The following DEDD2 variants were observed in gnomAD, a reference collection of about 807,000 sequenced individuals.
DEDD2 encodes the protein death effector domain containing 2, also known as DNA-binding death effector domain-containing protein 2.
DEDD2 carries 18 observed loss-of-function variants against 28.9 expected under a neutral mutation model. The observed-to-expected ratio is 0.62, with a 90% CI of 0.43 to 0.92. The LOEUF (loss-of-function observed/expected upper bound fraction) is 0.92, where lower values mean the gene tolerates loss of function less well. DEDD2 is among the 40% of genes least tolerant of loss of function. The pLI is 0.00. For missense variants in DEDD2, 411 were observed against 463.3 expected, an observed-to-expected ratio of 0.89 and a Z score of 1.04; for synonymous variants, 211 against 206.1, an observed-to-expected ratio of 1.02 and a Z score of -0.20.
intron 2 of DEDD2, among the ~76,000 whole-genome samples, chr19:42,216,255 G>C (rs1291762074): frequency 6.6e-6 from 1 of 152,200 alleles, no homozygotes; most frequent in African/African-American, 2.4e-5. Flanking sequence ...CAAACACCTT[G>C]TCAGCTCCAT....
upstream of DEDD2, chr19:42,217,832 G>T (rs938888013): frequency 6.6e-6 from 1 of 152,242 alleles, no homozygotes; most frequent in African/African-American, 2.4e-5. Context: ...CGCTTGACCT[G>T]CCCCCAACCG....
At chr19:42,214,655 T>C (rs995137456) in intron 3 of DEDD2, among the ~76,000 whole-genome samples, 5 of 152,030 alleles carry the variant, frequency 3.3e-5, no homozygotes, top group Non-Finnish European at 7.4e-5. Flanking sequence ...TCTAGTTACT[T>C]GAGAGGCTGA....
In DEDD2 at chr19:42,216,894, G is replaced by C. The variant is rs745707120; in HGVS notation, c.114C>G (p.Thr38=). ...RMFEVVGGQL[T]ECELELLAFL... ...AGGCCAGGAGCTCCAGCTCGCACTC[G>C]GTCAGTTGCCCGCCCACCACCTCGA... The change falls in exon 2 of 5, where the codon ACC becomes ACG. Residue 38 remains threonine, a synonymous_variant. Coordinates refer to ENST00000596251, the MANE Select transcript of DEDD2 (RefSeq NM_133328.4). 32 of 1,598,814 alleles carry C rather than the reference G, an allele frequency of 2.0e-5. No individual in the cohort carries two copies. Among genetic ancestry groups the C allele is most frequent in the South Asian group, 1.7e-4 (15 of 88,790 alleles).
intron 4 of DEDD2, among the ~76,000 whole-genome samples, chr19:42,203,289 A>G (rs2035404656): frequency 6.6e-6 from 1 of 152,240 alleles, no homozygotes; most frequent in Non-Finnish European, 1.5e-5. Context: ...GTTATAGTTC[A>G]GATTGAAAGG....
chr19:42,210,640 C>T (rs993271018), intron 3 of DEDD2, among the ~76,000 whole-genome samples: 2 of 152,176 alleles, frequency 1.3e-5, no homozygotes, highest in African/African-American at 4.8e-5. Flanking sequence ...GTGATCCACC[C>T]GCCTCGGCCT....
chr19:42,205,542 G>A (rs187372741), intron 4 of DEDD2, among the ~76,000 whole-genome samples: 80 of 151,990 alleles, frequency 5.3e-4, no homozygotes, highest in Non-Finnish European at 8.4e-4. Flanking sequence ...CAGGAGAATC[G>A]CTTCAACCCG....
At chr19:42,210,925 C>A (rs939039429) in intron 3 of DEDD2, among the ~76,000 whole-genome samples, 7 of 151,626 alleles carry the variant, frequency 4.6e-5, no homozygotes, top group Admixed American at 2.6e-4. Context: ...CAAAAATCAG[C>A]TGGGCGTGGT....
chr19:42,214,508 A>C (rs949432789), intron 3 of DEDD2, among the ~76,000 whole-genome samples: 1 of 152,058 alleles, frequency 6.6e-6, no homozygotes, highest in Non-Finnish European at 1.5e-5. Context: ...CATGCCTGTA[A>C]TCCAGCACTT....
Position 42,199,537 on chromosome 19 carries a change from G to A in DEDD2, c.882C>T (p.Arg294=), listed in dbSNP as rs762353499. The change falls in exon 5 of 5, where the codon CGC becomes CGT. Residue 294 remains arginine (R), a synonymous_variant. Coordinates refer to ENST00000596251, the MANE Select transcript of DEDD2 (RefSeq NM_133328.4). The surrounding 1 kb of genome is among the most constrained non-coding windows in gnomAD (Gnocchi z 7.4). ...CAGCCTCATCCACACTGACCAGCAGGCGAACAGCCTCCCGGCCCACAGCCT... is the reference window on the plus strand; with the variant it reads ...CAGCCTCATCCACACTGACCAGCAGACGAACAGCCTCCCGGCCCACAGCCT... ...LREAVGREAV[R]LLVSVDEADY... 14 of 1,613,928 alleles carry A rather than the reference G, an allele frequency of 8.7e-6. 1 individual carries two copies. In the South Asian group the frequency reaches 1.4e-4, roughly 16 times the overall value.
chr19:42,208,654 C>T (rs763276184), intron 4 of DEDD2, among the ~76,000 whole-genome samples: 2 of 152,208 alleles, frequency 1.3e-5, no homozygotes, highest in African/African-American at 4.8e-5. Flanking sequence ...CAAGCTGCTC[C>T]GGCCCCAGCC....
intron 3 of DEDD2, among the ~76,000 whole-genome samples, chr19:42,211,543 TGAA>T (rs1172907870): frequency 6.6e-6 from 1 of 152,096 alleles, no homozygotes; most frequent in East Asian, 1.9e-4. Context: ...TCAAGTAACT[TGAA>T]GAACATTCTG....
intron 4 of DEDD2, among the ~76,000 whole-genome samples, chr19:42,208,020 C>T (rs1268572309): frequency 1.3e-5 from 2 of 152,178 alleles, no homozygotes; most frequent in Non-Finnish European, 2.9e-5. Context: ...CCCTGCACAC[C>T]CCAGAGCCCC....
upstream of DEDD2, among the ~76,000 whole-genome samples, chr19:42,218,356 T>A (rs1409295356): frequency 2.0e-5 from 3 of 151,622 alleles, no homozygotes; most frequent in Non-Finnish European, 4.4e-5. Context: ...TCCGACTGTG[T>A]ACATCTCGAT....
chr19:42,216,553 G>T (rs1029253753), intron 2 of DEDD2, 127 bp downstream of exon 2: 1 of 954,820 alleles, frequency 1.0e-6, no homozygotes, highest in Non-Finnish European at 1.5e-6. Flanking sequence ...ATTGTGGGAA[G>T]AGAGAGTAGC....
intron 2 of DEDD2, 75 bp downstream of exon 2, chr19:42,216,605 A>T: frequency 7.1e-7 from 1 of 1,415,560 alleles, no homozygotes; most frequent in Non-Finnish European, 9.3e-7. Context: ...TGTCCGTATC[A>T]GGGCACCAGG....
At position 42,215,150 on chromosome 19, in the gene DEDD2, T is replaced by C; in HGVS notation, c.431A>G (p.Gln144Arg). 3.1e-6 allele frequency: 5 copies of C among 1,614,104 alleles called. No homozygotes were observed. Among genetic ancestry groups the C allele is most frequent in the Non-Finnish European group, 4.2e-6 (5 of 1,180,014 alleles). ...RQSSSSANSQ[Q>R]GQWETGSPPT... The stretch of plus-strand genomic sequence containing the variant: ...GGGCTCACCTGTCTCCCACTGACCC[T>C]GCTGAGAATTTGCAGAACTGCTTGA... Residue 144 changes from glutamine to arginine, a missense_variant, in exon 3 of 5, where the codon CAG becomes CGG. Physicochemically the swap from Gln to Arg is conservative, Grantham distance 43 (BLOSUM62 1). This residue lies in a region of DEDD2 where 282 missense variants were observed against 273.4 expected (regional missense o/e 1.03). Coordinates refer to ENST00000596251, the MANE Select transcript of DEDD2 (RefSeq NM_133328.4).
intron 3 of DEDD2, among the ~76,000 whole-genome samples, chr19:42,210,616 A>C (rs1375697236): frequency 2.0e-5 from 3 of 151,046 alleles, no homozygotes; most frequent in Admixed American, 6.6e-5. Flanking sequence ...CTGGTCTCAA[A>C]CTCCTGACCT....
rs1389597112 is a variant in DEDD2, at chr19:42,211,416, GGAGA to G, written c.449-1580_449-1577del. On this transcript the variant is annotated intron_variant, in intron 3 of 4. Transcript: ENST00000596251. The stretch of plus-strand genomic sequence containing the variant: ...GGGAGAAGAAAAGGAAGGAAGGAAG[GGAGA>G]GAGGGACGGAGGGAGGGAGGGAGGG... Among the ~76,000 whole-genome samples the G allele has an allele frequency of 2.9e-5, 4 of 138,584 alleles. No homozygotes were observed. In the South Asian group the frequency reaches 1.1e-3, roughly 38 times the overall value. 90.9% of individuals were successfully genotyped at this position (138,584 alleles called of 152,430 possible).
At chr19:42,204,757 C>T (rs944780913) in intron 4 of DEDD2, among the ~76,000 whole-genome samples, 4 of 150,786 alleles carry the variant, frequency 2.7e-5, no homozygotes, top group African/African-American at 9.8e-5. Flanking sequence ...GACCCCACCC[C>T]CGCCCCGCCC....
Sources: gnomAD v4.1 joint callset for allele counts (sites outside exome capture counted in the v4.1 genomes callset) on GRCh38, gnomAD v4.1.1 for gene constraint, gnomAD v4.1.1 regional missense constraint, Gnocchi (gnomAD v3.1) non-coding constraint, MANE v1.5 for transcripts, NCBI Gene and HGNC (gene_info 2026-07-23, HGNC 2026-07-21) for gene names.